The following COQ7 variants were observed in gnomAD, a reference collection of about 807,000 sequenced individuals.
The protein encoded by COQ7 is coenzyme Q7, hydroxylase.
Under a neutral mutation model 25.0 loss-of-function variants are expected in COQ7, and 21 were observed. The ratio of observed to expected loss-of-function variants is 0.84; its 90% CI spans 0.60 to 1.21. The LOEUF is 1.21. Ranked by LOEUF, COQ7 falls within the 50% of genes most tolerant of loss-of-function variation. COQ7 has a pLI of 0.00. For missense variants in COQ7, 311 were observed against 296.2 expected (o/e 1.05, Z -0.37); for synonymous variants, 125 against 112.4 (o/e 1.11, Z -0.71).
chr16:19,081,194 G>A (rs571246733), downstream of COQ7, among the ~76,000 whole-genome samples: 17 of 152,158 alleles, frequency 1.1e-4, no homozygotes, highest in Admixed American at 9.2e-4. Context: ...AATTTGGAGT[G>A]TATTTGTTCC....
intron 1 of COQ7, among the ~76,000 whole-genome samples, chr16:19,070,433 C>T (rs1962494792): frequency 6.6e-6 from 1 of 152,156 alleles, no homozygotes; most frequent in Non-Finnish European, 1.5e-5. Context: ...TAAAACATTA[C>T]AAAGTGATAC....
chr16:19,072,569 TG>T (rs1962618936), intron 2 of COQ7, among the ~76,000 whole-genome samples: 1 of 152,184 alleles, frequency 6.6e-6, no homozygotes, highest in Admixed American at 6.5e-5. Flanking sequence ...AGGACTTCTC[TG>T]GGTTTCCATT....
chr16:19,067,868 C>T, intron 1 of COQ7, 131 bp downstream of exon 1: 1 of 1,496,846 alleles, frequency 6.7e-7, no homozygotes, highest in Non-Finnish European at 8.8e-7. Context: ...AGCGCGACTG[C>T]GTGACTTCGG....
intron 4 of COQ7, among the ~76,000 whole-genome samples, chr16:19,076,454 T>A (rs1962844592): frequency 6.6e-6 from 1 of 151,782 alleles, no homozygotes; most frequent in Admixed American, 6.6e-5. Flanking sequence ...TTTTTAAAAT[T>A]TTTTGTAGGC....
At chr16:19,077,222 T>A in intron 4 of COQ7, 84 bp from the exon 5 acceptor site, 1 of 1,222,450 alleles carries the variant, frequency 8.2e-7, no homozygotes, top group Admixed American at 1.7e-5. Flanking sequence ...TAGGCCATAA[T>A]AAGAGGCTTT....
chr16:19,076,585 C>CTTTTTTT (rs67725348), intron 4 of COQ7, among the ~76,000 whole-genome samples: 1 of 80,510 alleles, frequency 1.2e-5, no homozygotes, highest in Non-Finnish European at 2.4e-5. Context: ...GTGCTGTTCA[C>CTTTTTTT]TTTTTTTTTT....
At chr16:19,077,656 T>C (rs990390539) in intron 5 of COQ7, among the ~76,000 whole-genome samples, 1 of 143,686 alleles carries the variant, frequency 7.0e-6, no homozygotes, top group African/African-American at 2.6e-5. Context: ...TGGTGCAGTC[T>C]TAGCTCACTG....
intron 1 of COQ7, chr16:19,068,481 G>A: frequency 1.3e-6 from 1 of 790,420 alleles, no homozygotes; most frequent in Non-Finnish European, 1.5e-6. Context: ...GTGAAACCCC[G>A]CCTCTACTAA....
downstream of COQ7, among the ~76,000 whole-genome samples, chr16:19,083,083 G>C (rs1268294942): frequency 1.3e-5 from 2 of 152,102 alleles, no homozygotes; most frequent in African/African-American, 4.8e-5. Context: ...TGTTAAAATT[G>C]TGAATTGTAT....
At chr16:19,070,125 G>C (rs1962479899) in intron 1 of COQ7, among the ~76,000 whole-genome samples, 1 of 152,048 alleles carries the variant, frequency 6.6e-6, no homozygotes, top group Admixed American at 6.6e-5. Flanking sequence ...GAGATGGAGA[G>C]GATCATGGCG....
rs879624282 is a variant in COQ7 at position 19,078,202 on chromosome 16, A to G, written c.*44A>G. The G allele has an allele frequency of 3.8e-5, 56 of 1,472,546 alleles. No individual in the cohort carries two copies. Among genetic ancestry groups the G allele is most frequent in the Non-Finnish European group, 5.2e-5 (55 of 1,063,898 alleles). The allele number at this position is 1,472,546 out of a possible 1,614,324, so 91.2% of individuals were successfully genotyped here. ...TGTCTATAAAAGATGATAGTAATTT[A>G]CCAAGTGACATTTGCAGAGAAACAG... On this transcript the variant is annotated 3_prime_UTR_variant, in exon 6 of 6. Coordinates refer to ENST00000321998, the MANE Select transcript of COQ7 (RefSeq NM_016138.5).
chr16:19,068,291 T>G, intron 1 of COQ7: 1 of 990,908 alleles, frequency 1.0e-6, no homozygotes, highest in Non-Finnish European at 1.2e-6. Flanking sequence ...GCATCGAATT[T>G]AGAGTAGAGA....
rs369475532 is a variant in COQ7 at position 19,080,045 on chromosome 16, G to T, written c.*1887G>T. On this transcript the variant is annotated 3_prime_UTR_variant, in exon 6 of 6. Coordinates refer to ENST00000321998, the MANE Select transcript of COQ7 (RefSeq NM_016138.5). ...ATTAAATTCAAAAGGGTATTATTTGGTTTTTCTGTAAATTGAACCTTGAAA... is the reference window on the plus strand; with the variant it reads ...ATTAAATTCAAAAGGGTATTATTTGTTTTTTCTGTAAATTGAACCTTGAAA... 9.8e-5 allele frequency: 15 copies of T among 152,304 alleles called. No homozygotes were observed. Among genetic ancestry groups the T allele is most frequent in the East Asian group, 9.6e-4 (5 of 5,186 alleles). The allele number at this position is 152,304 out of a possible 1,614,324, so 9.4% of individuals were successfully genotyped here.
rs370724921 is a variant in COQ7 at position 19,072,080 on chromosome 16, C to T, written c.226C>T (p.Arg76Trp). The change falls in exon 2 of 6, where the codon CGG (arginine) becomes TGG (tryptophan). Residue 76 changes from arginine (R) to tryptophan (W), a missense_variant. By Grantham distance (101) the Arg-to-Trp change is moderately radical. Transcript: ENST00000321998. ...TGCCGGGCAGATGGCTGTCCTGGGT[C>T]GGACCAGCGTCGGGCCAGTCATTCA... ...IYAGQMAVLGRTSVGPVIQKM... is the reference protein window; with the variant it reads ...IYAGQMAVLGWTSVGPVIQKM... 61 of 1,613,988 alleles carry T rather than the reference C, an allele frequency of 3.8e-5. No homozygotes were observed. Among genetic ancestry groups the T allele is most frequent in the Admixed American group, 8.3e-5 (5 of 59,992 alleles).
In COQ7 at chr16:19,077,627, C is replaced by T. The variant is rs187433848; in HGVS notation, c.576+253C>T. On this transcript the variant is annotated intron_variant, in intron 5 of 5. Coordinates refer to ENST00000321998, the MANE Select transcript of COQ7 (RefSeq NM_016138.5). ...TTTCCCAGACACAGTCTCACTCTGT[C>T]TCCCATGCTGGAGTGCAGTGGTGCA... is the stretch of plus-strand genomic sequence containing the variant. Among the ~76,000 whole-genome samples, 7 of 78,124 alleles carry T rather than the reference C, an allele frequency of 9.0e-5. No homozygotes were observed. In the East Asian group the frequency reaches 3.2e-3, roughly 36 times the overall value. The allele number at this position is 78,124 out of a possible 152,430, so 51.3% of individuals were successfully genotyped here.
chr16:19,068,995 C>T (rs774826067), intron 1 of COQ7: 7 of 357,354 alleles, frequency 2.0e-5, no homozygotes, highest in Non-Finnish European at 3.9e-5. Flanking sequence ...AAGGCTATAC[C>T]AGCTGTAAAT....
In COQ7 at chr16:19,074,785, C is replaced by A. The variant is rs79078870; in HGVS notation, c.367+750C>A. On this transcript the variant is annotated intron_variant, in intron 3 of 5. Coordinates refer to ENST00000321998, the MANE Select transcript of COQ7 (RefSeq NM_016138.5). ...TCTCAAACTGCTGGCCTCAAGCCAT[C>A]TTCCCTCTCTGGCCTCCCCGAAGTG... 8.4e-3 allele frequency among the ~76,000 whole-genome samples: 1,276 copies of A among 152,210 alleles called. 23 individuals carry two copies. The highest frequency in any genetic ancestry group is 0.029 in the African/African-American group (1,221 of 41,534).
chr16:19,072,490 A>G (rs1163783797), intron 2 of COQ7: 2 of 179,206 alleles, frequency 1.1e-5, no homozygotes, highest in South Asian at 1.3e-4. Context: ...TGAAATTTGT[A>G]GTTACACAGA....
At chr16:19,075,383 G>T (rs907910803) in intron 3 of COQ7, among the ~76,000 whole-genome samples, 1 of 151,968 alleles carries the variant, frequency 6.6e-6, no homozygotes, top group East Asian at 1.9e-4. Flanking sequence ...TGTATTTTTA[G>T]TAGAGACGGT....
Sources: gnomAD v4.1 joint callset for allele counts (sites outside exome capture counted in the v4.1 genomes callset) on GRCh38, gnomAD v4.1.1 for gene constraint, MANE v1.5 for transcripts, NCBI Gene and HGNC (gene_info 2026-07-23, HGNC 2026-07-21) for gene names.